The following UNC13C variants were observed in gnomAD, a reference collection of about 807,000 sequenced individuals.
UNC13C encodes the protein protein unc-13 homolog C.
In UNC13C, 174 loss-of-function variants were observed where a neutral mutation model predicts 245.4. The observed-to-expected ratio is 0.71, with a 90% CI of 0.63 to 0.80. The LOEUF (loss-of-function observed/expected upper bound fraction) is 0.80. Among genes scored for constraint, UNC13C ranks in the 30% least tolerant of loss-of-function variants. The pLI, the probability that UNC13C is intolerant of heterozygous loss-of-function variation, is 0.00. For missense variants in UNC13C, 2,829 were observed against 2,602.9 expected, an observed-to-expected ratio of 1.09 and a Z score of -1.89; for synonymous variants, 992 against 895.1, an observed-to-expected ratio of 1.11 and a Z score of -1.93.
intron 19 of UNC13C, among the ~76,000 whole-genome samples, chr15:54,445,440 T>C (rs1283706355): frequency 6.6e-6 from 1 of 152,182 alleles, no homozygotes; most frequent in Non-Finnish European, 1.5e-5. Flanking sequence ...TGTTCCTATT[T>C]CTCCACATCC....
At chr15:54,215,039 C>T (rs896446204) in intron 4 of UNC13C, among the ~76,000 whole-genome samples, 2 of 151,660 alleles carry the variant, frequency 1.3e-5, no homozygotes, top group African/African-American at 4.8e-5. Context: ...ATGTCTGAGG[C>T]TAATTTAGGT....
intron 4 of UNC13C, among the ~76,000 whole-genome samples, chr15:54,220,214 A>G (rs1433365563): frequency 4.6e-5 from 7 of 151,154 alleles, no homozygotes; most frequent in Non-Finnish European, 8.8e-5. Context: ...TAACAATGAT[A>G]GACTGGATTA....
At chr15:53,899,449 G>A in the UNC13C span, among the ~76,000 whole-genome samples, 1 of 152,200 alleles carries the variant, frequency 6.6e-6, no homozygotes, top group Non-Finnish European at 1.5e-5. Context: ...GCATGCAGTA[G>A]CTTTGCTTTC....
At chr15:54,224,862 G>C (rs1474895598) in intron 4 of UNC13C, among the ~76,000 whole-genome samples, 1 of 151,816 alleles carries the variant, frequency 6.6e-6, no homozygotes, top group Non-Finnish European at 1.5e-5. Context: ...ATCTCTTCCT[G>C]GTTTAATTTT....
At chr15:54,088,641 C>G (rs995977032) in intron 2 of UNC13C, among the ~76,000 whole-genome samples, 20 of 152,178 alleles carry the variant, frequency 1.3e-4, no homozygotes, top group Non-Finnish European at 2.9e-4. Flanking sequence ...TTTCTCTACA[C>G]TGTTCCCCTG....
intron 18 of UNC13C, among the ~76,000 whole-genome samples, chr15:54,408,158 C>T (rs1262828215): frequency 2.2e-5 from 3 of 134,018 alleles, no homozygotes; most frequent in South Asian, 2.4e-4. Context: ...CGAGATGGCG[C>T]CACTGCACTC....
chr15:54,302,365 C>T (rs1038797958), intron 13 of UNC13C, among the ~76,000 whole-genome samples: 11 of 152,244 alleles, frequency 7.2e-5, no homozygotes, highest in Admixed American at 7.2e-4. Flanking sequence ...AGTTTTTGGC[C>T]ATACCTATGT....
chr15:54,438,662 A>G (rs538019642), intron 19 of UNC13C, among the ~76,000 whole-genome samples: 1 of 152,074 alleles, frequency 6.6e-6, no homozygotes, highest in South Asian at 2.1e-4. Flanking sequence ...AACTGCTTAT[A>G]ATTTATACAA....
chr15:54,143,181 C>G, intron 3 of UNC13C, 141 bp downstream of exon 3: 1 of 847,220 alleles, frequency 1.2e-6, no homozygotes, highest in Non-Finnish European at 1.9e-6. Flanking sequence ...ATTTGGTTGT[C>G]CTTTAAGTGT....
chr15:54,141,271 G>C (rs1481504766), intron 2 of UNC13C, among the ~76,000 whole-genome samples: 2 of 151,986 alleles, frequency 1.3e-5, no homozygotes, highest in Admixed American at 6.6e-5. Flanking sequence ...TTGATTACTA[G>C]ATATAAAATT....
intron 27 of UNC13C, among the ~76,000 whole-genome samples, chr15:54,549,140 A>G (rs1268276199): frequency 2.6e-5 from 4 of 152,146 alleles, no homozygotes; most frequent in African/African-American, 7.2e-5. Context: ...TTTCAAATTC[A>G]TTTCCCCAGG....
chr15:54,024,647 G>A (rs967326679), intron 2 of UNC13C, among the ~76,000 whole-genome samples: 3 of 152,074 alleles, frequency 2.0e-5, no homozygotes, highest in African/African-American at 4.8e-5. Context: ...TGCCGGGCGC[G>A]GTGGCTCACG....
chr15:54,110,633 C>G (rs868391444), intron 2 of UNC13C, among the ~76,000 whole-genome samples: 3 of 152,186 alleles, frequency 2.0e-5, no homozygotes, highest in Admixed American at 6.5e-5. Flanking sequence ...ATAGCTCTAG[C>G]TATATGATGT....
chr15:54,120,519 C>T (rs2030592864), intron 2 of UNC13C, among the ~76,000 whole-genome samples: 1 of 152,048 alleles, frequency 6.6e-6, no homozygotes, highest in African/African-American at 2.4e-5. Flanking sequence ...GTGTTCACAC[C>T]TACAAACACA....
chr15:54,025,693 C>G (rs763794984), intron 2 of UNC13C, among the ~76,000 whole-genome samples: 4 of 152,088 alleles, frequency 2.6e-5, no homozygotes, highest in Non-Finnish European at 4.4e-5. Context: ...ATTGATTTAC[C>G]CGACAGCACC....
chr15:54,144,261 T>C (rs2032157382), intron 4 of UNC13C, among the ~76,000 whole-genome samples: 1 of 152,166 alleles, frequency 6.6e-6, no homozygotes, highest in Non-Finnish European at 1.5e-5. Context: ...GCATGAATGT[T>C]CATAGGCATT....
intron 14 of UNC13C, among the ~76,000 whole-genome samples, chr15:54,326,660 CAG>C (rs999975817): frequency 5.9e-5 from 9 of 151,788 alleles, no homozygotes; most frequent in South Asian, 2.1e-4. Flanking sequence ...GGGAAAGGGA[CAG>C]AGAGAGTGGA....
chr15:53,847,112 A>C, the UNC13C span, among the ~76,000 whole-genome samples: 1 of 152,168 alleles, frequency 6.6e-6, no homozygotes, highest in Non-Finnish European at 1.5e-5. Flanking sequence ...AAGGAAGGGG[A>C]AACTAGACCC....
chr15:54,071,457 A>C, intron 2 of UNC13C, among the ~76,000 whole-genome samples: 1 of 152,256 alleles, frequency 6.6e-6, no homozygotes, highest in East Asian at 1.9e-4. Context: ...GATTATTGAT[A>C]TTTCTTCTGC....
Sources: gnomAD v4.1 joint callset for allele counts (sites outside exome capture counted in the v4.1 genomes callset) on GRCh38, gnomAD v4.1.1 for gene constraint, MANE v1.5 for transcripts, NCBI Gene and HGNC (gene_info 2026-07-23, HGNC 2026-07-21) for gene names.